CPNE4: variants seen among roughly 807,000 people sequenced by gnomAD.
CPNE4 encodes copine 4.
In CPNE4, 25 loss-of-function variants were observed where a neutral mutation model predicts 67.9. That is an observed-to-expected ratio of 0.37 (90% CI 0.27 to 0.51). The LOEUF is 0.51. Among genes scored for constraint, CPNE4 ranks in the 20% least tolerant of loss-of-function variants. The pLI, the probability that CPNE4 is intolerant of heterozygous loss-of-function variation, is 0.93. For synonymous variants in CPNE4, 242 were observed against 244.9 expected (o/e 0.99, Z 0.11); for missense variants, 464 against 690.8 (o/e 0.67, Z 3.68).
chr3:131,965,260 C>T (rs2072310383), intron 1 of CPNE4, among the ~76,000 whole-genome samples: 1 of 152,238 alleles, frequency 6.6e-6, no homozygotes, highest in South Asian at 2.1e-4. Context: ...GTACCAGCCA[C>T]TGCAAAAGCA....
intron 2 of CPNE4, among the ~76,000 whole-genome samples, chr3:131,785,655 CTCTCTCTTTCTCTCTT>C (rs763146313): frequency 7.7e-6 from 1 of 130,482 alleles, no homozygotes; most frequent in African/African-American, 2.8e-5. Flanking sequence ...AGCACTCTCT[CTCTCTCTTTCTCTCTT>C]TCTCTCTCTC....
chr3:131,814,809 A>T (rs1029078375), intron 2 of CPNE4, among the ~76,000 whole-genome samples: 21 of 146,910 alleles, frequency 1.4e-4, no homozygotes, highest in Admixed American at 2.7e-4. Flanking sequence ...TTTCACCGTT[A>T]TAGCCGGGAT....
intron 7 of CPNE4, among the ~76,000 whole-genome samples, chr3:131,592,561 G>A (rs1413210481): frequency 6.6e-6 from 1 of 151,722 alleles, no homozygotes; most frequent in Non-Finnish European, 1.5e-5. Flanking sequence ...CCTGGTAAGT[G>A]ACAAAAGTGG....
At chr3:131,638,727 A>T (rs2079459692) in intron 7 of CPNE4, among the ~76,000 whole-genome samples, 1 of 152,186 alleles carries the variant, frequency 6.6e-6, no homozygotes, top group Non-Finnish European at 1.5e-5. Context: ...CATTCTATTT[A>T]TCAGCACATG....
chr3:131,927,121 C>T (rs1041956619), intron 1 of CPNE4, among the ~76,000 whole-genome samples: 5 of 152,140 alleles, frequency 3.3e-5, no homozygotes, highest in African/African-American at 1.2e-4. Flanking sequence ...ATATTCATAA[C>T]AACCTTGCAA....
intron 7 of CPNE4, among the ~76,000 whole-genome samples, chr3:131,631,346 G>A (rs986327355): frequency 6.6e-5 from 10 of 152,040 alleles, no homozygotes; most frequent in Non-Finnish European, 1.3e-4. Flanking sequence ...GGGATTTTTG[G>A]TTTTGATTGA....
intron 2 of CPNE4, among the ~76,000 whole-genome samples, chr3:131,779,302 C>G (rs1178148235): frequency 6.6e-6 from 1 of 151,778 alleles, no homozygotes; most frequent in African/African-American, 2.4e-5. Flanking sequence ...ATCAAACTAC[C>G]AACATTTTTC....
chr3:131,797,681 G>A (rs1350441250), intron 2 of CPNE4, among the ~76,000 whole-genome samples: 1 of 152,102 alleles, frequency 6.6e-6, no homozygotes, highest in Non-Finnish European at 1.5e-5. Flanking sequence ...TCTAGCAATG[G>A]CAATCTGGTT....
At chr3:131,768,128 G>C (rs2083069621) in intron 2 of CPNE4, among the ~76,000 whole-genome samples, 1 of 152,098 alleles carries the variant, frequency 6.6e-6, no homozygotes, top group Admixed American at 6.6e-5. Context: ...ATGCTCTCTT[G>C]TTCCCACCAT....
intron 2 of CPNE4, among the ~76,000 whole-genome samples, chr3:131,781,380 C>G (rs534930545): frequency 6.6e-6 from 1 of 152,208 alleles, no homozygotes; most frequent in East Asian, 1.9e-4. Flanking sequence ...TGGCCCCCAT[C>G]TTGTGTTTAT....
intron 2 of CPNE4, among the ~76,000 whole-genome samples, chr3:131,819,378 A>G (rs1418284503): frequency 6.6e-6 from 1 of 152,152 alleles, no homozygotes; most frequent in Non-Finnish European, 1.5e-5. Flanking sequence ...TTAGTAGGAG[A>G]AAATGTAATT....
chr3:131,867,132 C>T (rs969712502), intron 2 of CPNE4, among the ~76,000 whole-genome samples: 4 of 152,098 alleles, frequency 2.6e-5, no homozygotes, highest in African/African-American at 9.7e-5. Flanking sequence ...AAGTTTGTTG[C>T]CAGTGTTCAT....
chr3:131,772,828 G>T (rs2083201372), intron 2 of CPNE4, among the ~76,000 whole-genome samples: 1 of 152,134 alleles, frequency 6.6e-6, no homozygotes, highest in Non-Finnish European at 1.5e-5. Flanking sequence ...CCTGGACATA[G>T]AGCTGCCCAG....
intron 2 of CPNE4, among the ~76,000 whole-genome samples, chr3:131,777,744 A>G (rs1028715744): frequency 1.6e-4 from 25 of 152,132 alleles, no homozygotes; most frequent in African/African-American, 6.0e-4. Context: ...TAAGCTCCCC[A>G]TGACCAAGAG....
intron 1 of CPNE4, among the ~76,000 whole-genome samples, chr3:131,920,167 T>C (rs933537944): frequency 2.6e-5 from 4 of 152,188 alleles, no homozygotes; most frequent in African/African-American, 9.7e-5. Flanking sequence ...TTCCTACCTT[T>C]ATTGATCAGG....
intron 2 of CPNE4, among the ~76,000 whole-genome samples, chr3:131,749,664 GTCT>G (rs2082576745): frequency 6.6e-6 from 1 of 152,060 alleles, no homozygotes; most frequent in South Asian, 2.1e-4. Context: ...AGATTGTTAT[GTCT>G]TCTTAATGGA....
intron 3 of CPNE4, among the ~76,000 whole-genome samples, chr3:131,711,245 C>T (rs1440513635): frequency 6.6e-6 from 1 of 152,124 alleles, no homozygotes. Flanking sequence ...TAAGCATTGT[C>T]CAGGAGCACC....
chr3:131,911,853 C>T (rs887781595), intron 1 of CPNE4, among the ~76,000 whole-genome samples: 1 of 152,046 alleles, frequency 6.6e-6, no homozygotes, highest in African/African-American at 2.4e-5. Flanking sequence ...TGTGCCTGAC[C>T]TTGACTTTGG....
intron 7 of CPNE4, among the ~76,000 whole-genome samples, chr3:131,623,233 A>G (rs1291903745): frequency 7.4e-6 from 1 of 135,370 alleles, no homozygotes; most frequent in Non-Finnish European, 1.5e-5. Flanking sequence ...AAACTGAAAA[A>G]AAAGAAACCC....
Sources: allele counts gnomAD v4.1 joint callset (sites outside exome capture counted in the v4.1 genomes callset), GRCh38; gene constraint gnomAD v4.1.1; transcripts MANE v1.5; gene names NCBI Gene and HGNC (gene_info 2026-07-23, HGNC 2026-07-21).